The following WAPL variants were observed in gnomAD, a reference collection of about 807,000 sequenced individuals.
WAPL encodes WAPL cohesin release factor.
In WAPL, 5 loss-of-function variants were observed where a neutral mutation model predicts 121.0. That is an observed-to-expected ratio of 0.04 (90% CI 0.02 to 0.09). WAPL has a LOEUF of 0.09. Ranked by LOEUF, WAPL falls within the 10% of genes least tolerant of loss-of-function variation. The pLI is 1.00. For synonymous variants in WAPL, 480 were observed against 481.5 expected (o/e 1.00, Z 0.04); for missense variants, 999 against 1,410.8 (o/e 0.71, Z 4.68).
Position 86,446,264 on chromosome 10 carries a change from A to ATCC in WAPL, c.3297_3299dup (p.Glu1099dup), listed in dbSNP as rs1274280654. ...TACCTTTATTGAGGTCAAGTTCTTC[A>ATCC]TCCTCCTCCTCCTTCTTATGTTTCT... is the stretch of plus-strand genomic sequence containing the variant. On this transcript the variant is annotated inframe_insertion, in exon 16 of 19. Coordinates refer to ENST00000298767, the MANE Select transcript of WAPL (RefSeq NM_015045.5). 6.2e-7 allele frequency: 1 copy of ATCC among 1,613,270 alleles called. No homozygotes were observed.
intron 1 of WAPL, among the ~76,000 whole-genome samples, chr10:86,519,603 T>C (rs563463112): frequency 6.6e-6 from 1 of 152,320 alleles, no homozygotes; most frequent in Non-Finnish European, 1.5e-5. Flanking sequence ...AGGAGATGTA[T>C]TTCATCTTCC....
At chr10:86,474,743 T>C (rs1841613832) in intron 4 of WAPL, among the ~76,000 whole-genome samples, 2 of 152,126 alleles carry the variant, frequency 1.3e-5, no homozygotes, top group African/African-American at 4.8e-5. Flanking sequence ...ATTTAAAAAA[T>C]AGTAATGATG....
At chr10:86,509,740 G>T (rs920122639) in intron 2 of WAPL, among the ~76,000 whole-genome samples, 1 of 150,452 alleles carries the variant, frequency 6.6e-6, no homozygotes, top group Non-Finnish European at 1.5e-5. Context: ...AATTCATGAG[G>T]TATCATCTGG....
chr10:86,438,633 TG>T (rs1404451580), intron 17 of WAPL, among the ~76,000 whole-genome samples: 1 of 152,188 alleles, frequency 6.6e-6, no homozygotes, highest in Non-Finnish European at 1.5e-5. Context: ...CTGGGGGCCC[TG>T]GGGGAATAGG....
chr10:86,443,308 T>C lies in WAPL; in HGVS notation c.3378A>G (p.Ala1126=). The stretch of plus-strand genomic sequence containing the variant: ...CCTGGCAGAGACACCCAAGAAGTAG[T>C]GCTGTGTAGGAGGCCACAATGCAAT... ...MEDCIVASYT[A]LLLGCLCQES... Residue 1126 remains alanine (A), a synonymous_variant, in exon 17 of 19, where the codon GCA becomes GCG. Transcript: ENST00000298767. The C allele has an allele frequency of 6.2e-7, 1 of 1,614,024 alleles. No homozygotes were observed. The highest frequency in any genetic ancestry group is 8.5e-7 in the Non-Finnish European group (1 of 1,179,972).
At chr10:86,520,961 C>A (rs1842664002) in intron 1 of WAPL, among the ~76,000 whole-genome samples, 1 of 152,102 alleles carries the variant, frequency 6.6e-6, no homozygotes, top group Non-Finnish European at 1.5e-5. Context: ...ATGGACCCCT[C>A]GGACTAGACA....
chr10:86,514,066 G>A (rs1158336679), intron 2 of WAPL, among the ~76,000 whole-genome samples: 2 of 152,126 alleles, frequency 1.3e-5, no homozygotes, highest in Non-Finnish European at 2.9e-5. Flanking sequence ...GATTTAGAGA[G>A]GCCTCTTTTA....
intron 4 of WAPL, among the ~76,000 whole-genome samples, chr10:86,480,739 T>C (rs1375372656): frequency 2.0e-5 from 3 of 151,860 alleles, no homozygotes; most frequent in Admixed American, 1.3e-4. Flanking sequence ...AACATCTTGA[T>C]GCTTGCATGG....
At chr10:86,482,880 T>G (rs1388269906) in intron 4 of WAPL, among the ~76,000 whole-genome samples, 1 of 152,156 alleles carries the variant, frequency 6.6e-6, no homozygotes, top group Admixed American at 6.5e-5. Context: ...TATAAAATGA[T>G]TAGCTTCTGG....
At chr10:86,468,117 T>A (rs543488974) in intron 8 of WAPL, among the ~76,000 whole-genome samples, 1 of 152,352 alleles carries the variant, frequency 6.6e-6, no homozygotes, top group South Asian at 2.1e-4. Context: ...TCTTAGGCTA[T>A]ACTATGCTAA....
intron 4 of WAPL, among the ~76,000 whole-genome samples, chr10:86,485,325 T>C (rs368378858): frequency 1.3e-5 from 2 of 152,104 alleles, no homozygotes; most frequent in East Asian, 3.9e-4. Context: ...GGCGGATCGC[T>C]TGAGATCAGG....
chr10:86,485,617 A>G (rs557013839), intron 4 of WAPL, among the ~76,000 whole-genome samples: 39 of 152,350 alleles, frequency 2.6e-4, no homozygotes, highest in South Asian at 1.2e-3. Flanking sequence ...AAAAAAAAGC[A>G]CAAGAATTGG....
At chr10:86,492,913 T>C (rs1842078030) in intron 4 of WAPL, among the ~76,000 whole-genome samples, 1 of 151,842 alleles carries the variant, frequency 6.6e-6, no homozygotes, top group African/African-American at 2.4e-5. Context: ...AAAACAAAAT[T>C]AGCCGGGTGT....
intron 17 of WAPL, among the ~76,000 whole-genome samples, chr10:86,442,135 G>T (rs886658150): frequency 2.0e-5 from 3 of 152,104 alleles, no homozygotes; most frequent in Admixed American, 6.5e-5. Context: ...CAAGCGATTC[G>T]ATTCTTGCGT....
At position 86,521,786 on chromosome 10, in the gene WAPL, C is replaced by G. The variant is rs1842688388; in HGVS notation, c.-444G>C. ...CTCCTTCCTCCAACAGCCGCTCGCT[C>G]CGTCACTCCGCTTCCCACAGTCCCC... On this transcript the variant is annotated 5_prime_UTR_variant, in exon 1 of 19. Coordinates refer to ENST00000298767, the MANE Select transcript of WAPL (RefSeq NM_015045.5). 1 of 436,778 alleles carries G rather than the reference C, an allele frequency of 2.3e-6. No individual in the cohort carries two copies. Among genetic ancestry groups the G allele is most frequent in the Non-Finnish European group, 4.7e-6 (1 of 212,228 alleles). 27.1% of individuals were successfully genotyped at this position (436,778 alleles called of 1,614,324 possible). A position where few individuals can be genotyped will look rare whatever the true frequency, so the allele number is the denominator to read the frequency against.
chr10:86,498,805 A>G (rs1409055974), intron 3 of WAPL, among the ~76,000 whole-genome samples: 1 of 152,194 alleles, frequency 6.6e-6, no homozygotes, highest in Non-Finnish European at 1.5e-5. Context: ...GTGGAGACTG[A>G]ACTCCTTGAG....
At chr10:86,456,750 T>A (rs1841155393) in intron 12 of WAPL, among the ~76,000 whole-genome samples, 1 of 152,266 alleles carries the variant, frequency 6.6e-6, no homozygotes, top group Non-Finnish European at 1.5e-5. Flanking sequence ...TGGTCAGGAT[T>A]ACCATACTGT....
chr10:86,505,431 C>T (rs919282975), intron 2 of WAPL, among the ~76,000 whole-genome samples: 20 of 147,760 alleles, frequency 1.4e-4, no homozygotes, highest in Non-Finnish European at 7.4e-5. Flanking sequence ...GGACTACAGG[C>T]GCGAGTCACC....
At chr10:86,489,752 T>C (rs1266582327) in intron 4 of WAPL, among the ~76,000 whole-genome samples, 1 of 152,066 alleles carries the variant, frequency 6.6e-6, no homozygotes, top group Non-Finnish European at 1.5e-5. Flanking sequence ...CTCCTGCCAC[T>C]ACAAGTCACA....
Sources: allele counts gnomAD v4.1 joint callset (sites outside exome capture counted in the v4.1 genomes callset), GRCh38; gene constraint gnomAD v4.1.1; transcripts MANE v1.5; gene names NCBI Gene and HGNC (gene_info 2026-07-23, HGNC 2026-07-21).